Variants in CNTN4 observed in about 807,000 individuals in gnomAD.
CNTN4 encodes contactin-4.
In CNTN4, 77 loss-of-function variants were observed where a neutral mutation model predicts 122.5. That is an observed-to-expected ratio of 0.63 (90% CI 0.52 to 0.76). The LOEUF (loss-of-function observed/expected upper bound fraction) is 0.76. CNTN4 is among the 30% of genes least tolerant of loss of function. The probability of loss-of-function intolerance (pLI) is 0.00; values close to 1 mark genes in which losing one functional copy is unlikely to be tolerated. For synonymous variants in CNTN4, 512 were observed against 447.0 expected (o/e 1.15, Z -1.83); for missense variants, 1,256 against 1,259.1 (o/e 1.00, Z 0.04).
At chr3:2,760,884 A>G (rs1157764325) in intron 6 of CNTN4, among the ~76,000 whole-genome samples, 1 of 152,130 alleles carries the variant, frequency 6.6e-6, no homozygotes, top group Non-Finnish European at 1.5e-5. Flanking sequence ...TCTGCAAACA[A>G]CCACTCAAAC....
chr3:2,917,179 C>T (rs951500773), intron 12 of CNTN4, among the ~76,000 whole-genome samples: 1 of 150,010 alleles, frequency 6.7e-6, no homozygotes, highest in African/African-American at 2.5e-5. Flanking sequence ...CGCGCGCCTG[C>T]AATCGCAGGC....
intron 3 of CNTN4, among the ~76,000 whole-genome samples, chr3:2,386,852 G>A (rs1383211682): frequency 6.6e-6 from 1 of 152,152 alleles, no homozygotes; most frequent in Non-Finnish European, 1.5e-5. Context: ...GAGCATTGGA[G>A]ATAATTATTG....
chr3:2,639,217 C>G (rs1387709990), intron 4 of CNTN4, among the ~76,000 whole-genome samples: 2 of 152,248 alleles, frequency 1.3e-5, no homozygotes, highest in African/African-American at 2.4e-5. Context: ...CACTGCATCC[C>G]TCCTCAACTA....
chr3:2,738,344 G>A (rs1301002468), intron 5 of CNTN4, among the ~76,000 whole-genome samples: 3 of 152,164 alleles, frequency 2.0e-5, no homozygotes, highest in Non-Finnish European at 2.9e-5. Flanking sequence ...AAAATATTCA[G>A]TACAGTGAGA....
chr3:2,714,330 A>T (rs769701606), intron 4 of CNTN4, among the ~76,000 whole-genome samples: 1 of 152,216 alleles, frequency 6.6e-6, no homozygotes, highest in Admixed American at 6.5e-5. Flanking sequence ...TCAGACATGT[A>T]TGATTCCAAA....
At chr3:2,549,576 T>C (rs972713399) in intron 3 of CNTN4, among the ~76,000 whole-genome samples, 1 of 152,186 alleles carries the variant, frequency 6.6e-6, no homozygotes, top group East Asian at 1.9e-4. Flanking sequence ...ATAAGCTTTT[T>C]GATGTACTGC....
At chr3:2,145,232 C>A (rs1310003831) in intron 2 of CNTN4, among the ~76,000 whole-genome samples, 1 of 152,194 alleles carries the variant, frequency 6.6e-6, no homozygotes, top group East Asian at 1.9e-4. Context: ...GTTCTGGTGG[C>A]ATTTGGTTCC....
chr3:2,731,124 A>G (rs570808085), intron 4 of CNTN4, among the ~76,000 whole-genome samples: 5 of 152,030 alleles, frequency 3.3e-5, no homozygotes, highest in East Asian at 1.9e-4. Context: ...GGAAAATTCT[A>G]TGATTCTGTG....
chr3:2,677,469 C>CATAGATATAGAGAGAG (rs1182568702), intron 4 of CNTN4, among the ~76,000 whole-genome samples: 1 of 104,328 alleles, frequency 9.6e-6, no homozygotes, highest in Non-Finnish European at 2.1e-5. Flanking sequence ...TGTATCTATC[C>CATAGATATAGAGAGAG]ATCTATCCAT....
At chr3:2,209,546 A>G (rs2038513739) in intron 2 of CNTN4, among the ~76,000 whole-genome samples, 1 of 152,152 alleles carries the variant, frequency 6.6e-6, no homozygotes, top group South Asian at 2.1e-4. Flanking sequence ...CTGTTTTTTA[A>G]GCACTGTGGT....
intron 4 of CNTN4, among the ~76,000 whole-genome samples, chr3:2,699,464 A>G (rs534565108): frequency 2.7e-4 from 41 of 152,308 alleles, no homozygotes; most frequent in African/African-American, 9.6e-4. Flanking sequence ...ACTCACTTGA[A>G]CTTGTAAAAG....
At chr3:2,360,533 A>G (rs1336318875) in intron 3 of CNTN4, among the ~76,000 whole-genome samples, 2 of 152,188 alleles carry the variant, frequency 1.3e-5, no homozygotes, top group African/African-American at 4.8e-5. Flanking sequence ...ATGCTGCTAT[A>G]AAGAACTTCC....
chr3:3,042,710 C>T, intron 21 of CNTN4: 1 of 586,344 alleles, frequency 1.7e-6, no homozygotes, highest in Non-Finnish European at 3.0e-6. Flanking sequence ...ATCACTTTGA[C>T]TCAAAACAAA....
At chr3:2,301,131 C>T (rs1412515995) in intron 2 of CNTN4, among the ~76,000 whole-genome samples, 2 of 152,280 alleles carry the variant, frequency 1.3e-5, no homozygotes, top group East Asian at 1.9e-4. Flanking sequence ...TGGTACTGAA[C>T]AATAGCTGTA....
At chr3:2,210,884 G>A (rs2149438681) in intron 2 of CNTN4, among the ~76,000 whole-genome samples, 1 of 152,274 alleles carries the variant, frequency 6.6e-6, no homozygotes, top group African/African-American at 2.4e-5. Context: ...AACAAATCAT[G>A]ATGTTTTCAA....
At chr3:2,655,170 C>T (rs2150230401) in intron 4 of CNTN4, among the ~76,000 whole-genome samples, 1 of 152,246 alleles carries the variant, frequency 6.6e-6, no homozygotes, top group Admixed American at 6.5e-5. Flanking sequence ...TTCCTCCTCC[C>T]TCCAGTGTGA....
At chr3:2,806,227 A>G (rs771874202) in intron 6 of CNTN4, among the ~76,000 whole-genome samples, 10 of 152,270 alleles carry the variant, frequency 6.6e-5, no homozygotes, top group Non-Finnish European at 8.8e-5. Flanking sequence ...TATACTCTAC[A>G]GCATTTACTC....
rs1258606666 is a variant in CNTN4, at chr3:2,765,150, C to T, written c.358+19453C>T. On this transcript the variant is annotated intron_variant, in intron 6 of 24. Transcript: ENST00000418658. ...ACTGTCAACTAAACTCCACTTGCAT[C>T]CATAGGTGAAAAGGTGAAGCCGTGT... Among the ~76,000 whole-genome samples, 7 of 152,328 alleles carry T rather than the reference C, an allele frequency of 4.6e-5. No homozygotes were observed. In the South Asian group the frequency reaches 1.2e-3, roughly 27 times the overall value.
chr3:2,690,635 A>T (rs2675305), intron 4 of CNTN4, among the ~76,000 whole-genome samples: 105,851 of 151,430 alleles, frequency 0.7, 37,917 homozygotes, highest in East Asian at 0.83. Context: ...TGTCTGCCTT[A>T]CCTCCTAGAG....
Sources: allele counts gnomAD v4.1 joint callset (sites outside exome capture counted in the v4.1 genomes callset), GRCh38; gene constraint gnomAD v4.1.1; transcripts MANE v1.5; gene names NCBI Gene and HGNC (gene_info 2026-07-23, HGNC 2026-07-21).